The following NFIC variants were observed in gnomAD, a reference collection of about 807,000 sequenced individuals.
NFIC encodes nuclear factor 1 C-type.
NFIC carries 12 observed loss-of-function variants against 54.4 expected under a neutral mutation model. That is an observed-to-expected ratio of 0.22 (90% CI 0.14 to 0.36). The LOEUF (loss-of-function observed/expected upper bound fraction) is 0.36. NFIC is among the 10% of genes least tolerant of loss of function. The pLI, the probability that NFIC is intolerant of heterozygous loss-of-function variation, is 1.00. For synonymous variants in NFIC, 322 were observed against 319.2 expected, an observed-to-expected ratio of 1.01 and a Z score of -0.09; for missense variants, 575 against 718.2, an observed-to-expected ratio of 0.80 and a Z score of 2.28.
chr19:3,446,232 G>A lies in NFIC; in HGVS notation c.959-2782G>A, dbSNP rs554865478. ...CCTCACTCCGTGTGGATTTCAGTGT[G>A]TGCAGCCTCCTGGGACCACAGCAGG... On this transcript the variant is annotated intron_variant, in intron 6 of 10. Coordinates refer to ENST00000443272, the MANE Select transcript of NFIC (RefSeq NM_001245002.2). Among the ~76,000 whole-genome samples the A allele has an allele frequency of 5.3e-5, 8 of 152,292 alleles. 1 individual carries two copies. In the South Asian group the frequency reaches 1.7e-3, roughly 32 times the overall value.
At chr19:3,388,347 G>A (rs535205177) in intron 2 of NFIC, among the ~76,000 whole-genome samples, 13 of 152,232 alleles carry the variant, frequency 8.5e-5, no homozygotes, top group African/African-American at 1.7e-4. Flanking sequence ...GCCAGGCTCC[G>A]AGGCCACCGC....
intron 2 of NFIC, among the ~76,000 whole-genome samples, chr19:3,423,824 C>T (rs2081988852): frequency 2.6e-5 from 4 of 152,020 alleles, no homozygotes; most frequent in African/African-American, 7.2e-5. Context: ...GGTCCCTGAA[C>T]GGCAACCCAG....
rs71164684 is a variant in NFIC at position 3,377,333 on chromosome 19, C to CAAAAA, written c.31-4359_31-4355dup. ...TGGGTGACAGAGCGAGACTCTGTCT[C>CAAAAA]AAAAAAAAAAAAAAAAAAAAAAAAT... On this transcript the variant is annotated intron_variant, in intron 1 of 10. Coordinates refer to ENST00000443272, the MANE Select transcript of NFIC (RefSeq NM_001245002.2). Among the ~76,000 whole-genome samples, 68 of 57,700 alleles carry CAAAAA rather than the reference C, an allele frequency of 1.2e-3. 1 individual carries two copies. The highest frequency in any genetic ancestry group is 2.2e-3 in the Admixed American group (8 of 3,664). The allele number at this position is 57,700 out of a possible 152,430, so 37.9% of individuals were successfully genotyped here.
intron 2 of NFIC, among the ~76,000 whole-genome samples, chr19:3,401,881 C>G (rs1362540445): frequency 6.6e-6 from 1 of 151,696 alleles, no homozygotes; most frequent in Non-Finnish European, 1.5e-5. Flanking sequence ...ACCACCTCAC[C>G]CAGCTAATTT....
chr19:3,381,848 C>T lies in NFIC; in HGVS notation c.167C>T (p.Ala56Val), dbSNP rs560121964. ...CGGATGTCGAAGGACGAGGAGCGTG[C>T]GGTCAAGGACGAGCTGCTGGGCGAG... The part of the protein sequence containing the change: ...EKRMSKDEER[A>V]VKDELLGEKP... The change falls in exon 2 of 11, where the codon GCG (alanine) becomes GTG (valine). Residue 56 changes from alanine (A) to valine (V), a missense_variant. By Grantham distance (64) the Ala-to-Val change is moderately conservative (BLOSUM62 0). Transcript: ENST00000443272. The T allele has an allele frequency of 2.0e-5, 33 of 1,613,996 alleles. No individual in the cohort carries two copies. The East Asian group carries it at 5.8e-4, about 28-fold the overall frequency.
At chr19:3,421,535 A>G (rs1324107817) in intron 2 of NFIC, among the ~76,000 whole-genome samples, 2 of 152,226 alleles carry the variant, frequency 1.3e-5, no homozygotes, top group African/African-American at 4.8e-5. Context: ...CCAGATGGCC[A>G]CGGCCGGGGC....
Position 3,377,944 on chromosome 19 carries a change from G to A in NFIC, c.31-3768G>A, listed in dbSNP as rs536312676. ...TGCCCAGCTAATTTTTGTAATTTTC[G>A]TAAAGATAGGGTTTTGCCTGCCGGC... On this transcript the variant is annotated intron_variant, in intron 1 of 10. Coordinates refer to ENST00000443272, the MANE Select transcript of NFIC (RefSeq NM_001245002.2). Among the ~76,000 whole-genome samples the A allele has an allele frequency of 4.6e-5, 7 of 151,864 alleles. No homozygotes were observed. In the South Asian group the frequency reaches 1.0e-3, roughly 23 times the overall value.
At chr19:3,378,534 G>A (rs2081146639) in intron 1 of NFIC, among the ~76,000 whole-genome samples, 1 of 152,222 alleles carries the variant, frequency 6.6e-6, no homozygotes, top group Non-Finnish European at 1.5e-5. Flanking sequence ...TGTTATTTTC[G>A]TGGGGAAGTC....
intron 3 of NFIC, among the ~76,000 whole-genome samples, chr19:3,429,140 C>T (rs867002793): frequency 0.044 from 4,289 of 96,762 alleles, 217 homozygotes; most frequent in African/African-American, 0.085. Context: ...AAAATATACA[C>T]ACACACACAC....
At chr19:3,410,110 G>A (rs1045496412) in intron 2 of NFIC, among the ~76,000 whole-genome samples, 4 of 152,020 alleles carry the variant, frequency 2.6e-5, no homozygotes, top group African/African-American at 9.7e-5. Flanking sequence ...GTTCGATCTC[G>A]GCTCACTGCA....
intron 2 of NFIC, among the ~76,000 whole-genome samples, chr19:3,388,418 C>T (rs970297514): frequency 3.3e-5 from 5 of 152,112 alleles, no homozygotes; most frequent in East Asian, 3.9e-4. Flanking sequence ...GGCCTTCTCT[C>T]GTGTTCTAGT....
intron 2 of NFIC, among the ~76,000 whole-genome samples, chr19:3,392,787 G>C (rs538755712): frequency 6.6e-6 from 1 of 152,312 alleles, no homozygotes; most frequent in Admixed American, 6.5e-5. Context: ...AGTCACAGAT[G>C]GTCAGGGTTG....
intron 7 of NFIC, among the ~76,000 whole-genome samples, chr19:3,451,532 G>A (rs546681754): frequency 5.3e-5 from 8 of 152,032 alleles, no homozygotes; most frequent in East Asian, 1.9e-4. Context: ...TACTCAGGCC[G>A]AGGCAGGAGG....
chr19:3,452,961 C>T lies in NFIC; in HGVS notation c.1269+295C>T, dbSNP rs1294059595. Among the ~76,000 whole-genome samples, 2 of 152,230 alleles carry T rather than the reference C, an allele frequency of 1.3e-5. No homozygotes were observed. The highest frequency in any genetic ancestry group is 2.9e-5 in the Non-Finnish European group (2 of 68,046). On this transcript the variant is annotated intron_variant, in intron 8 of 10. Coordinates refer to ENST00000443272, the MANE Select transcript of NFIC (RefSeq NM_001245002.2). This position sits in a 1 kb window ranked among gnomAD's most constrained non-coding sequence, Gnocchi z 5.3. The stretch of plus-strand genomic sequence containing the variant: ...TAACACAAGGCAGGGAGGGACTGGG[C>T]ATAGCGGCTCATGCCTGTGATCCCA...
intron 2 of NFIC, among the ~76,000 whole-genome samples, chr19:3,388,228 G>T (rs2081328299): frequency 6.6e-6 from 1 of 152,224 alleles, no homozygotes; most frequent in Admixed American, 6.5e-5. Flanking sequence ...AGGGTGGCAG[G>T]AGAAACATGG....
upstream of NFIC, among the ~76,000 whole-genome samples, chr19:3,363,789 G>A (rs1015614120): frequency 6.6e-6 from 1 of 152,200 alleles, no homozygotes; most frequent in Non-Finnish European, 1.5e-5. Context: ...ACGACTGGGG[G>A]GTGCCCCTGG....
At chr19:3,403,484 G>T (rs980524687) in intron 2 of NFIC, among the ~76,000 whole-genome samples, 3 of 152,198 alleles carry the variant, frequency 2.0e-5, no homozygotes, top group Admixed American at 6.5e-5. Context: ...AGAGCAGGGC[G>T]GAGATGTGTC....
chr19:3,393,357 G>A (rs934508591), intron 2 of NFIC, among the ~76,000 whole-genome samples: 1 of 152,178 alleles, frequency 6.6e-6, no homozygotes, highest in African/African-American at 2.4e-5. Flanking sequence ...TCTGAGGGGA[G>A]GAAGACGCGA....
intron 2 of NFIC, among the ~76,000 whole-genome samples, chr19:3,392,367 C>A (rs1413041080): frequency 6.6e-6 from 1 of 152,066 alleles, no homozygotes; most frequent in African/African-American, 2.4e-5. Context: ...CCACCGCACC[C>A]GGCCTAAATG....
Sources: allele counts gnomAD v4.1 joint callset (sites outside exome capture counted in the v4.1 genomes callset), GRCh38; gene constraint gnomAD v4.1.1; non-coding constraint Gnocchi (gnomAD v3.1); transcripts MANE v1.5; gene names NCBI Gene and HGNC (gene_info 2026-07-23, HGNC 2026-07-21).